Variants in TSBP1 observed in about 807,000 individuals in gnomAD.
TSBP1 encodes the protein testis-expressed basic protein 1.
TSBP1 carries 56 observed loss-of-function variants against 68.8 expected under a neutral mutation model. The ratio of observed to expected loss-of-function variants is 0.81; its 90% confidence interval spans 0.66 to 1.02. The LOEUF (loss-of-function observed/expected upper bound fraction) is 1.02, where lower values mean the gene tolerates loss of function less well. Among genes scored for constraint, TSBP1 ranks in the 50% least tolerant of loss-of-function variants. TSBP1 has a pLI of 0.00. For synonymous variants in TSBP1, 171 were observed against 208.7 expected (o/e 0.82, Z 1.56); for missense variants, 502 against 641.2 (o/e 0.78, Z 2.34).
At chr6:32,313,001 A>G (rs1342399030) in intron 19 of TSBP1, among the ~76,000 whole-genome samples, 4 of 152,206 alleles carry the variant, frequency 2.6e-5, no homozygotes, top group African/African-American at 7.2e-5. Flanking sequence ...CCCTTCAGTT[A>G]CTTCTCATGA....
rs1157834114 is a variant in TSBP1 at position 32,314,924 on chromosome 6, G to A, written c.580+848C>T. ...AGCAGCTACCTTCTTCAGACTATGC[G>A]TGTCCTCCCAGTTTAACACAGTTCC... On this transcript the variant is annotated intron_variant, in intron 19 of 22. Coordinates refer to ENST00000612031, the Ensembl canonical transcript of TSBP1. The surrounding 1 kb of genome is among the most constrained non-coding windows in gnomAD (Gnocchi z 4.2). Among the ~76,000 whole-genome samples the A allele has an allele frequency of 1.3e-5, 2 of 152,180 alleles. No homozygotes were observed. The highest frequency in any genetic ancestry group is 2.9e-5 in the Non-Finnish European group (2 of 68,036).
At position 32,340,943 on chromosome 6, in the gene TSBP1, G is replaced by A. The variant is rs1770267389; in HGVS notation, c.350-1305C>T. Among the ~76,000 whole-genome samples, 1 of 152,064 alleles carries A rather than the reference G, an allele frequency of 6.6e-6. No homozygotes were observed. The highest frequency in any genetic ancestry group is 1.5e-5 in the Non-Finnish European group (1 of 68,006). On this transcript the variant is annotated intron_variant, in intron 9 of 22. Transcript: ENST00000612031. This position sits in a 1 kb window ranked among gnomAD's most constrained non-coding sequence, Gnocchi z 4.8. ...CCTGAGTAGCTGGGATTACAGGCAT[G>A]TGCCACCACGCCCAGCTAATTTTTG...
intron 9 of TSBP1, among the ~76,000 whole-genome samples, chr6:32,341,711 T>G (rs1770379920): frequency 6.6e-6 from 1 of 152,196 alleles, no homozygotes; most frequent in Non-Finnish European, 1.5e-5. Flanking sequence ...ACTTTAAGGA[T>G]AGGTATTGGT....
chr6:32,370,431 A>G (rs909548404), intron 1 of TSBP1, among the ~76,000 whole-genome samples: 7 of 113,352 alleles, frequency 6.2e-5, no homozygotes, highest in Admixed American at 3.2e-4. Context: ...ATATATATAT[A>G]TATATATATA....
At chr6:32,318,786 T>TA (rs1767262010) in intron 18 of TSBP1, among the ~76,000 whole-genome samples, 1 of 152,156 alleles carries the variant, frequency 6.6e-6, no homozygotes. Flanking sequence ...AAGTGATTGC[T>TA]AAACAGAGTT....
At chr6:32,296,085 C>T (rs971200602) in intron 22 of TSBP1, among the ~76,000 whole-genome samples, 8 of 151,916 alleles carry the variant, frequency 5.3e-5, no homozygotes, top group Non-Finnish European at 1.2e-4. Context: ...CTCAGGTGAT[C>T]CACCTGCCTC....
rs1278920508 is a variant in TSBP1 at position 32,333,974 on chromosome 6, A to C, written c.472+1463T>G. 6.9e-6 allele frequency: 2 copies of C among 289,354 alleles called. No individual in the cohort carries two copies. Among genetic ancestry groups the C allele is most frequent in the Non-Finnish European group, 1.4e-5 (2 of 141,416 alleles). The allele number at this position is 289,354 out of a possible 1,614,324, so 17.9% of individuals were successfully genotyped here. ...ACACATTTAGATATTATGCTAACTT[A>C]ATAGTTGCTTTGCCTGTATCTACAA... On this transcript the variant is annotated intron_variant, in intron 14 of 22. Transcript: ENST00000612031. This position sits in a 1 kb window ranked among gnomAD's most constrained non-coding sequence, Gnocchi z 4.2.
rs6907226 is a variant in TSBP1, at chr6:32,357,361, A to G, written c.218-1692T>C. Among the ~76,000 whole-genome samples the G allele has an allele frequency of 0.29, 44,249 of 152,018 alleles. 7,462 individuals carry two copies. The highest frequency in any genetic ancestry group is 0.44 in the African/African-American group (18,293 of 41,436). On this transcript the variant is annotated intron_variant, in intron 6 of 22. Transcript: ENST00000612031. This position sits in a 1 kb window ranked among gnomAD's most constrained non-coding sequence, Gnocchi z 4.7. ...AGATATTACTAAATTACATAAGAAT[A>G]AACTCTCTGACTGCCTAAAATTTGG...
At chr6:32,356,517 C>T (rs1418807785) in intron 6 of TSBP1, among the ~76,000 whole-genome samples, 2 of 152,020 alleles carry the variant, frequency 1.3e-5, no homozygotes, top group Non-Finnish European at 1.5e-5. Context: ...GTCAGGAGTT[C>T]GAGACCAGCC....
chr6:32,322,126 G>A (rs1767697958), intron 18 of TSBP1, among the ~76,000 whole-genome samples: 1 of 152,128 alleles, frequency 6.6e-6, no homozygotes, highest in Non-Finnish European at 1.5e-5. Flanking sequence ...AGCGATGTTA[G>A]GTTTGCTTAA....
intron 9 of TSBP1, among the ~76,000 whole-genome samples, chr6:32,348,833 C>T (rs1771361335): frequency 6.6e-6 from 1 of 152,180 alleles, no homozygotes; most frequent in African/African-American, 2.4e-5. Context: ...TACTCCCATT[C>T]CCTGATCTCT....
Position 32,343,479 on chromosome 6 carries a change from A to G in TSBP1, c.350-3841T>C, listed in dbSNP as rs973688400. On this transcript the variant is annotated intron_variant, in intron 9 of 22. Coordinates refer to ENST00000612031, the Ensembl canonical transcript of TSBP1. This position sits in a 1 kb window ranked among gnomAD's most constrained non-coding sequence, Gnocchi z 4.3. ...TTTCAGGGGAATATTCAGCTTTACT[A>G]TATTTCCAATATTCTGATTTCATTC... is the stretch of plus-strand genomic sequence containing the variant. Among the ~76,000 whole-genome samples, 1 of 152,148 alleles carries G rather than the reference A, an allele frequency of 6.6e-6. No individual in the cohort carries two copies. Among genetic ancestry groups the G allele is most frequent in the Non-Finnish European group, 1.5e-5 (1 of 68,012 alleles).
At chr6:32,367,052 C>CGTGTGTGTGTGTGTGTGTGTGT (rs3038518) in intron 4 of TSBP1, among the ~76,000 whole-genome samples, 1 of 148,452 alleles carries the variant, frequency 6.7e-6, no homozygotes. Flanking sequence ...ATGCTTGTAG[C>CGTGTGTGTGTGTGTGTGTGTGT]GTGTGTGTGT....
chr6:32,339,546 C>T lies in TSBP1; in HGVS notation c.388+54G>A. On this transcript the variant is annotated intron_variant, in intron 10 of 22. Coordinates refer to ENST00000612031, the Ensembl canonical transcript of TSBP1. ...ATCACATGTATCCCATAAATTTGTA[C>T]AATTATTAGGTGTCAGTAAAAAAAG... is the stretch of plus-strand genomic sequence containing the variant. 2.2e-6 allele frequency: 2 copies of T among 919,432 alleles called. 1 individual carries two copies. Among genetic ancestry groups the T allele is most frequent in the Non-Finnish European group, 3.6e-6 (2 of 556,974 alleles). 57.0% of individuals were successfully genotyped at this position (919,432 alleles called of 1,614,324 possible). A position where few individuals can be genotyped will look rare whatever the true frequency, so the allele number is the denominator to read the frequency against.
chr6:32,330,863 G>T (rs1203934409), intron 15 of TSBP1, among the ~76,000 whole-genome samples: 1 of 152,052 alleles, frequency 6.6e-6, no homozygotes, highest in Admixed American at 6.5e-5. Context: ...TAGAGATGGG[G>T]TTTCACCATG....
At chr6:32,355,068 A>T in intron 8 of TSBP1, 56 bp downstream of exon 8, 1 of 1,501,704 alleles carries the variant, frequency 6.7e-7, no homozygotes, top group Non-Finnish European at 9.1e-7. Flanking sequence ...TACAGAAAAA[A>T]TAGGGCTTGC....
intron 19 of TSBP1, among the ~76,000 whole-genome samples, chr6:32,312,846 G>A (rs1346501137): frequency 1.3e-5 from 2 of 148,400 alleles, no homozygotes; most frequent in Non-Finnish European, 3.0e-5. Flanking sequence ...TCTTCTCATT[G>A]CCACACTCAC....
chr6:32,334,205 C>T (rs1400384025), intron 14 of TSBP1, among the ~76,000 whole-genome samples: 1 of 151,730 alleles, frequency 6.6e-6, no homozygotes, highest in Admixed American at 6.6e-5. Context: ...CTTCTTTATT[C>T]TCTTATGTGC....
exon 3 of TSBP1, chr6:32,368,784 T>C: frequency 6.3e-7 from 1 of 1,582,326 alleles, no homozygotes; most frequent in East Asian, 2.3e-5. Context: ...GTACTTACTT[T>C]GTTCTGAACT....
Sources: gnomAD v4.1 joint callset for allele counts (sites outside exome capture counted in the v4.1 genomes callset) on GRCh38, gnomAD v4.1.1 for gene constraint, Gnocchi (gnomAD v3.1) non-coding constraint, MANE v1.5 for transcripts, NCBI Gene and HGNC (gene_info 2026-07-23, HGNC 2026-07-21) for gene names.